COMMD1: variants seen among roughly 807,000 people sequenced by gnomAD.
COMMD1 encodes COMM domain-containing protein 1.
Under a neutral mutation model 17.2 loss-of-function variants are expected in COMMD1, and 10 were observed. That is an observed-to-expected ratio of 0.58 (90% confidence interval 0.36 to 0.99). The LOEUF (loss-of-function observed/expected upper bound fraction) is 0.99. Ranked by LOEUF, COMMD1 falls within the 50% of genes least tolerant of loss-of-function variation. The pLI is 0.01. For synonymous variants in COMMD1, 97 were observed against 91.6 expected (o/e 1.06, Z -0.34); for missense variants, 270 against 231.8 (o/e 1.17, Z -1.07).
chr2:61,933,291 G>A lies in COMMD1; in HGVS notation c.180+27433G>A, dbSNP rs138550858. On this transcript the variant is annotated intron_variant, in intron 1 of 2. Coordinates refer to ENST00000311832, the MANE Select transcript of COMMD1 (RefSeq NM_152516.4). ...CTGCTTGTATCCCCATTGCTTAGCC[G>A]CTTGTATCCCTGATGCTTAGCTGCT... 5.0e-3 allele frequency among the ~76,000 whole-genome samples: 767 copies of A among 151,928 alleles called. 9 individuals carry two copies. The highest frequency in any genetic ancestry group is 0.017 in the African/African-American group (685 of 41,438).
At chr2:62,078,446 G>A (rs1211958956) in intron 2 of COMMD1, among the ~76,000 whole-genome samples, 5 of 149,422 alleles carry the variant, frequency 3.3e-5, no homozygotes, top group Non-Finnish European at 5.9e-5. Flanking sequence ...CCAGCCACTC[G>A]GGAGGCTGAG....
chr2:61,917,474 T>G (rs1202419878), intron 1 of COMMD1, among the ~76,000 whole-genome samples: 1 of 152,202 alleles, frequency 6.6e-6, no homozygotes, highest in Non-Finnish European at 1.5e-5. Flanking sequence ...GGTATTAATA[T>G]TATCATGTAT....
chr2:62,040,149 AG>A (rs1670149303), intron 2 of COMMD1, among the ~76,000 whole-genome samples: 1 of 152,168 alleles, frequency 6.6e-6, no homozygotes, highest in African/African-American at 2.4e-5. Flanking sequence ...GCTACTTGGG[AG>A]GCTGAGGTGG....
chr2:62,084,892 C>CA (rs950980729), intron 2 of COMMD1: 20 of 152,034 alleles, frequency 1.3e-4, no homozygotes, highest in African/African-American at 4.1e-4. Flanking sequence ...AAAATGACAT[C>CA]AGAATAATTC....
At chr2:62,089,111 T>TA (rs1235082686) in intron 2 of COMMD1, among the ~76,000 whole-genome samples, 1 of 152,078 alleles carries the variant, frequency 6.6e-6, no homozygotes, top group Non-Finnish European at 1.5e-5. Context: ...TTAGAGACAA[T>TA]AGATGACAAA....
chr2:61,939,158 G>T (rs1670673139), intron 1 of COMMD1, among the ~76,000 whole-genome samples: 1 of 152,018 alleles, frequency 6.6e-6, no homozygotes, highest in African/African-American at 2.4e-5. Context: ...AGTGCAGCAA[G>T]AATTGATTGG....
At chr2:61,932,745 A>T (rs1670502150) in intron 1 of COMMD1, among the ~76,000 whole-genome samples, 1 of 152,164 alleles carries the variant, frequency 6.6e-6, no homozygotes, top group Non-Finnish European at 1.5e-5. Context: ...AACCCCTTGC[A>T]TGAGGGAGCA....
chr2:61,894,272 G>A (rs1027672528), intron 1 of COMMD1, among the ~76,000 whole-genome samples: 1 of 151,986 alleles, frequency 6.6e-6, no homozygotes, highest in Non-Finnish European at 1.5e-5. Flanking sequence ...ACTGGCTATT[G>A]AATTTTTTTA....
chr2:62,106,208 G>A (rs1423635130), intron 2 of COMMD1, among the ~76,000 whole-genome samples: 1 of 152,116 alleles, frequency 6.6e-6, no homozygotes, highest in Non-Finnish European at 1.5e-5. Context: ...CTTTATATAT[G>A]GCACTTTGCT....
intron 1 of COMMD1, among the ~76,000 whole-genome samples, chr2:61,932,946 TG>T (rs1450159870): frequency 6.6e-6 from 1 of 152,154 alleles, no homozygotes; most frequent in Non-Finnish European, 1.5e-5. Flanking sequence ...TGGCAGCTCC[TG>T]CCCTCTCGGC....
chr2:61,960,801 C>A (rs1362550835), intron 1 of COMMD1, among the ~76,000 whole-genome samples: 1 of 152,292 alleles, frequency 6.6e-6, no homozygotes, highest in Middle Eastern at 3.4e-3. Context: ...TCTTTGCACT[C>A]GTTCAGCCCC....
chr2:61,899,294 T>C (rs1669611428), intron 1 of COMMD1, among the ~76,000 whole-genome samples: 1 of 152,200 alleles, frequency 6.6e-6, no homozygotes. Context: ...GGATGGGAAG[T>C]TGAGACTGAG....
At chr2:62,004,773 T>C (rs1221704223) in intron 2 of COMMD1, among the ~76,000 whole-genome samples, 2 of 152,168 alleles carry the variant, frequency 1.3e-5, no homozygotes, top group East Asian at 1.9e-4. Context: ...TAGGTTAGTG[T>C]TATTTATGAA....
At chr2:62,103,487 C>T (rs1244766458) in intron 2 of COMMD1, among the ~76,000 whole-genome samples, 1 of 152,146 alleles carries the variant, frequency 6.6e-6, no homozygotes, top group African/African-American at 2.4e-5. Context: ...GTATGTGGCC[C>T]CTACAGTATG....
intron 2 of COMMD1, among the ~76,000 whole-genome samples, chr2:62,083,166 C>T (rs1048987491): frequency 2.0e-5 from 3 of 151,932 alleles, no homozygotes; most frequent in South Asian, 2.1e-4. Context: ...TAATGCCTAA[C>T]GTGGGAGGTT....
At chr2:61,933,772 C>CTTTTTT (rs61702772) in intron 1 of COMMD1, among the ~76,000 whole-genome samples, 33 of 148,622 alleles carry the variant, frequency 2.2e-4, no homozygotes, top group African/African-American at 2.3e-4. Flanking sequence ...TTCTTTTTTT[C>CTTTTTT]TTTTTTTTGA....
chr2:61,978,793 G>T (rs1313718169), intron 1 of COMMD1, among the ~76,000 whole-genome samples: 1 of 152,118 alleles, frequency 6.6e-6, no homozygotes, highest in South Asian at 2.1e-4. Flanking sequence ...AGACAAAGGG[G>T]AAGTTGTCAG....
At chr2:61,940,216 C>T (rs1412779207) in intron 1 of COMMD1, among the ~76,000 whole-genome samples, 1 of 152,154 alleles carries the variant, frequency 6.6e-6, no homozygotes, top group Non-Finnish European at 1.5e-5. Flanking sequence ...TGGGCTAAGG[C>T]AATCTTTCTA....
chr2:61,913,387 G>C (rs1312831499), intron 1 of COMMD1, among the ~76,000 whole-genome samples: 1 of 127,148 alleles, frequency 7.9e-6, no homozygotes, highest in Non-Finnish European at 1.7e-5. Flanking sequence ...AAAAAAAAAA[G>C]AGAAAAGTGG....
Sources: gnomAD v4.1 joint callset for allele counts (sites outside exome capture counted in the v4.1 genomes callset) on GRCh38, gnomAD v4.1.1 for gene constraint, MANE v1.5 for transcripts, NCBI Gene and HGNC (gene_info 2026-07-23, HGNC 2026-07-21) for gene names.